NCMAP: variants seen among roughly 807,000 people sequenced by gnomAD.
NCMAP encodes the protein noncompact myelin-associated protein.
Under a neutral mutation model 7.8 loss-of-function variants are expected in NCMAP, and 8 were observed. The observed-to-expected ratio is 1.02, with a 90% confidence interval of 0.60 to 1.84. The LOEUF (loss-of-function observed/expected upper bound fraction) is 1.84. NCMAP is among the 40% of genes most tolerant of loss of function. The pLI, the probability that NCMAP is intolerant of heterozygous loss-of-function variation, is 0.00. For synonymous variants in NCMAP, 41 were observed against 52.9 expected, an observed-to-expected ratio of 0.78 and a Z score of 0.98; for missense variants, 112 against 131.4, an observed-to-expected ratio of 0.85 and a Z score of 0.72.
chr1:24,574,165 A>G (rs1380500497), intron 1 of NCMAP, among the ~76,000 whole-genome samples: 1 of 149,364 alleles, frequency 6.7e-6, no homozygotes, highest in Non-Finnish European at 1.5e-5. Flanking sequence ...TCTGTTGCCC[A>G]GGCTGGAGTG....
chr1:24,597,331 T>C (rs1225340262), intron 2 of NCMAP, among the ~76,000 whole-genome samples: 2 of 151,318 alleles, frequency 1.3e-5, no homozygotes, highest in South Asian at 2.1e-4. Flanking sequence ...TAAAATCCCA[T>C]CTCTACTACT....
At chr1:24,585,330 C>T (rs1374042303) in intron 1 of NCMAP, among the ~76,000 whole-genome samples, 1 of 152,174 alleles carries the variant, frequency 6.6e-6, no homozygotes, top group Non-Finnish European at 1.5e-5. Context: ...TTCTTGTGCA[C>T]TGCTGTTGCC....
intron 1 of NCMAP, among the ~76,000 whole-genome samples, chr1:24,586,529 G>T (rs556002478): frequency 1.5e-3 from 223 of 152,268 alleles, no homozygotes; most frequent in African/African-American, 5.0e-3. Flanking sequence ...TTGGGAGGCC[G>T]AGGAGGGCGG....
At chr1:24,582,998 C>T (rs755969426) in intron 1 of NCMAP, among the ~76,000 whole-genome samples, 1 of 152,178 alleles carries the variant, frequency 6.6e-6, no homozygotes, top group African/African-American at 2.4e-5. Context: ...TTTTGGTCAT[C>T]GCCATCGTCG....
intron 1 of NCMAP, among the ~76,000 whole-genome samples, chr1:24,573,131 T>C (rs765064723): frequency 3.3e-5 from 5 of 150,712 alleles, no homozygotes; most frequent in Non-Finnish European, 5.9e-5. Flanking sequence ...GGGGCAGACC[T>C]GGGTCCTCCC....
intron 1 of NCMAP, among the ~76,000 whole-genome samples, chr1:24,578,449 G>C (rs1262375913): frequency 7.3e-6 from 1 of 137,638 alleles, no homozygotes; most frequent in Non-Finnish European, 1.6e-5. Context: ...GTGTGGTGTG[G>C]TGAAGAGAAA....
At chr1:24,579,480 A>T (rs547204960) in intron 1 of NCMAP, among the ~76,000 whole-genome samples, 1 of 152,072 alleles carries the variant, frequency 6.6e-6, no homozygotes, top group South Asian at 2.1e-4. Context: ...CATGTCTGTG[A>T]TCCTAGCAAT....
intron 1 of NCMAP, among the ~76,000 whole-genome samples, chr1:24,567,333 T>C (rs1334547572): frequency 6.6e-6 from 1 of 152,122 alleles, no homozygotes; most frequent in East Asian, 1.9e-4. Flanking sequence ...ATAAGTGCTA[T>C]AACTAAGGTA....
intron 1 of NCMAP, among the ~76,000 whole-genome samples, chr1:24,588,675 T>G (rs187213799): frequency 9.2e-5 from 14 of 152,306 alleles, no homozygotes; most frequent in Admixed American, 7.2e-4. Flanking sequence ...TGCCATCACT[T>G]CCCAAACTCG....
intron 1 of NCMAP, among the ~76,000 whole-genome samples, chr1:24,592,611 T>C (rs1652079948): frequency 6.6e-6 from 1 of 152,024 alleles, no homozygotes; most frequent in Admixed American, 6.6e-5. Context: ...CTATGTCTGA[T>C]TTTTTTTCTT....
chr1:24,581,014 T>C (rs1287417516), intron 1 of NCMAP, among the ~76,000 whole-genome samples: 1 of 152,138 alleles, frequency 6.6e-6, no homozygotes, highest in African/African-American at 2.4e-5. Context: ...AGTTGACGCC[T>C]CTTGATTCTT....
At chr1:24,580,417 G>C (rs1268895365) in intron 1 of NCMAP, among the ~76,000 whole-genome samples, 1 of 152,006 alleles carries the variant, frequency 6.6e-6, no homozygotes, top group Non-Finnish European at 1.5e-5. Flanking sequence ...GGGGTGGAGG[G>C]GGGCAGAGTG....
At chr1:24,592,350 G>C (rs1366581799) in intron 1 of NCMAP, among the ~76,000 whole-genome samples, 1 of 152,154 alleles carries the variant, frequency 6.6e-6, no homozygotes, top group Non-Finnish European at 1.5e-5. Context: ...AGTTCGTCTA[G>C]TATTCCCTGT....
At position 24,606,900 on chromosome 1, in the gene NCMAP, G is replaced by A. The variant is rs1175476996; in HGVS notation, c.*1153G>A. The A allele has an allele frequency of 6.6e-6, 1 of 152,176 alleles. No homozygotes were observed. Among genetic ancestry groups the A allele is most frequent in the Non-Finnish European group, 1.5e-5 (1 of 68,042 alleles). 9.4% of individuals were successfully genotyped at this position (152,176 alleles called of 1,614,324 possible). A position where few individuals can be genotyped will look rare whatever the true frequency, so the allele number is the denominator to read the frequency against. On this transcript the variant is annotated 3_prime_UTR_variant, in exon 4 of 4. Transcript: ENST00000374392. ...GCCTCATTGGGGCACTATAACAAGTGAAGGACTTAGGAAAACATCTGGAGT... is the reference window on the plus strand; with the variant it reads ...GCCTCATTGGGGCACTATAACAAGTAAAGGACTTAGGAAAACATCTGGAGT...
rs1232149354 is a variant in NCMAP at position 24,597,667 on chromosome 1, G to A, written c.82+2155G>A. Among the ~76,000 whole-genome samples the A allele has an allele frequency of 1.6e-3, 210 of 132,850 alleles. 2 individuals are homozygous for A. The Middle Eastern group carries it at 0.017, about 11-fold the overall frequency. The allele number at this position is 132,850 out of a possible 152,430, so 87.2% of individuals were successfully genotyped here. A position where few individuals can be genotyped will look rare whatever the true frequency, so the allele number is the denominator to read the frequency against. The stretch of plus-strand genomic sequence containing the variant: ...AGAAAGAAAGAAAGAAAGAAAGAAA[G>A]AAAGAAAAGAAAAAGAAAGAAAGAA... On this transcript the variant is annotated intron_variant, in intron 2 of 3. Transcript: ENST00000374392.
intron 3 of NCMAP, among the ~76,000 whole-genome samples, chr1:24,601,429 G>A (rs919481865): frequency 2.0e-5 from 3 of 152,010 alleles, no homozygotes; most frequent in South Asian, 2.1e-4. Flanking sequence ...TTCTGGAGAC[G>A]TATAAGGGGA....
At chr1:24,560,076 G>T (rs1346909174) in intron 1 of NCMAP, among the ~76,000 whole-genome samples, 2 of 150,928 alleles carry the variant, frequency 1.3e-5, no homozygotes, top group Non-Finnish European at 2.9e-5. Flanking sequence ...CAGGAGAATG[G>T]CGTGAACCCG....
chr1:24,593,443 T>C (rs1384356844), intron 1 of NCMAP, among the ~76,000 whole-genome samples: 1 of 151,972 alleles, frequency 6.6e-6, no homozygotes, highest in Non-Finnish European at 1.5e-5. Context: ...CAGTGAGCTA[T>C]GATTACATCA....
intron 1 of NCMAP, among the ~76,000 whole-genome samples, chr1:24,579,451 T>C (rs1470547555): frequency 1.3e-5 from 2 of 152,094 alleles, no homozygotes; most frequent in Non-Finnish European, 1.5e-5. Context: ...GAGTAAGACA[T>C]AGGCTGGGGG....
Sources: gnomAD v4.1 joint callset for allele counts (sites outside exome capture counted in the v4.1 genomes callset) on GRCh38, gnomAD v4.1.1 for gene constraint, MANE v1.5 for transcripts, NCBI Gene and HGNC (gene_info 2026-07-23, HGNC 2026-07-21) for gene names.